The following SDSL variants were observed in gnomAD, a reference collection of about 807,000 sequenced individuals.
SDSL encodes the protein serine dehydratase-like.
In SDSL, 26 loss-of-function variants were observed where a neutral mutation model predicts 27.6. The observed-to-expected ratio is 0.94, with a 90% confidence interval of 0.69 to 1.31. The LOEUF is 1.31. SDSL is among the 50% of genes most tolerant of loss of function. The pLI, the probability that SDSL is intolerant of heterozygous loss-of-function variation, is 0.00. For missense variants in SDSL, 431 were observed against 423.5 expected, an observed-to-expected ratio of 1.02 and a Z score of -0.16; for synonymous variants, 196 against 180.6, an observed-to-expected ratio of 1.09 and a Z score of -0.69.
At chr12:113,426,179 C>G (rs1367542600) in intron 1 of SDSL, 2 of 455,960 alleles carry the variant, frequency 4.4e-6, no homozygotes, top group East Asian at 6.9e-5. Flanking sequence ...CTGTCTGCAT[C>G]CGCGGCACCC....
In SDSL at chr12:113,428,069, G is replaced by A. The variant is rs1425871581; in HGVS notation, c.87G>A (p.Val29=). The A allele has an allele frequency of 6.8e-6, 11 of 1,614,030 alleles. No individual in the cohort carries two copies. Among genetic ancestry groups the A allele is most frequent in the Non-Finnish European group, 9.3e-6 (11 of 1,179,996 alleles). The stretch of plus-strand genomic sequence containing the variant: ...TGGAGAGCTGGGCGCTGTCCCAGGT[G>A]GCGGGCATGCCTGTCTTCCTCAAGT... ...PLLESWALSQ[V]AGMPVFLKCE... Residue 29 remains valine, a synonymous_variant, in exon 2 of 8, where the codon GTG becomes GTA. Coordinates refer to ENST00000403593, the MANE Select transcript of SDSL (RefSeq NM_001304993.2).
intron 7 of SDSL, among the ~76,000 whole-genome samples, 190 bp from the exon 8 acceptor site, chr12:113,437,696 T>C (rs574872535): frequency 3.3e-5 from 5 of 152,050 alleles, no homozygotes; most frequent in East Asian, 1.9e-4. Flanking sequence ...AAAAGGTGGA[T>C]GGTGGAAGGA....
rs1296461290 is a variant in SDSL, at chr12:113,434,190, G to A, written c.411G>A (p.Glu137=). 2 of 1,613,718 alleles carry A rather than the reference G, an allele frequency of 1.2e-6. No individual in the cohort carries two copies. The highest frequency in any genetic ancestry group is 1.7e-6 in the Non-Finnish European group (2 of 1,179,750). Residue 137 remains glutamate, a synonymous_variant, in exon 5 of 8, where the codon GAG becomes GAA. Coordinates refer to ENST00000403593, the MANE Select transcript of SDSL (RefSeq NM_001304993.2). ...AQELAKRDGW[E]NVPPFDHPLI... is the part of the protein sequence containing the mutation. ...AGTTGGCCAAGAGGGACGGCTGGGAGAATGTCCCCCCGTTTGACCACCCCC... is the reference window on the plus strand; with the variant it reads ...AGTTGGCCAAGAGGGACGGCTGGGAAAATGTCCCCCCGTTTGACCACCCCC...
intron 1 of SDSL, among the ~76,000 whole-genome samples, chr12:113,424,071 G>A (rs1024186989): frequency 4.6e-5 from 7 of 152,060 alleles, no homozygotes; most frequent in Non-Finnish European, 1.0e-4. Flanking sequence ...GCAATGGCGC[G>A]ATCTCGGCTC....
At chr12:113,431,814 C>T (rs563341109) in intron 4 of SDSL, among the ~76,000 whole-genome samples, 73 of 151,450 alleles carry the variant, frequency 4.8e-4, no homozygotes, top group African/African-American at 1.7e-3. Context: ...TCTCGGCTCA[C>T]TGCAAGGTCT....
intron 4 of SDSL, 72 bp downstream of exon 4, chr12:113,429,371 T>C (rs1957891862): frequency 6.7e-7 from 1 of 1,483,508 alleles, no homozygotes; most frequent in Non-Finnish European, 9.2e-7. Context: ...CCCTAAGACA[T>C]CCTGTCTCCT....
At chr12:113,432,046 C>G (rs976017951) in intron 4 of SDSL, among the ~76,000 whole-genome samples, 1 of 151,294 alleles carries the variant, frequency 6.6e-6, no homozygotes, top group Admixed American at 6.6e-5. Flanking sequence ...TAAACTGCTG[C>G]GCCCAGCCTA....
At chr12:113,425,125 G>A (rs12823432) in intron 1 of SDSL, among the ~76,000 whole-genome samples, 12,847 of 152,210 alleles carry the variant, frequency 0.084, 956 homozygotes, top group African/African-American at 0.2. Context: ...GCACAGAGAG[G>A]TTGTGACACT....
chr12:113,423,702 A>C (rs990937791), intron 1 of SDSL, among the ~76,000 whole-genome samples: 6 of 152,194 alleles, frequency 3.9e-5, no homozygotes, highest in African/African-American at 1.4e-4. Flanking sequence ...TGATCGTGCC[A>C]CTGCACTCCA....
intron 5 of SDSL, 57 bp downstream of exon 5, chr12:113,434,279 A>C: frequency 1.5e-6 from 2 of 1,343,632 alleles, no homozygotes; most frequent in Non-Finnish European, 2.1e-6. Context: ...TCACTGAGTC[A>C]GGGTCCTCCC....
At chr12:113,423,777 A>G (rs1399817894) in intron 1 of SDSL, among the ~76,000 whole-genome samples, 5 of 152,216 alleles carry the variant, frequency 3.3e-5, no homozygotes, top group Non-Finnish European at 2.9e-5. Flanking sequence ...AAGCGGAAGG[A>G]TTATGGAGTA....
At chr12:113,437,809 G>T (rs1958016803) in intron 7 of SDSL, 77 bp from the exon 8 acceptor site, 8 of 1,314,348 alleles carry the variant, frequency 6.1e-6, no homozygotes, top group Non-Finnish European at 7.3e-6. Flanking sequence ...GCAAGGATCT[G>T]CCGTGCCCAG....
At chr12:113,431,199 ATGG>A (rs1465021460) in intron 4 of SDSL, among the ~76,000 whole-genome samples, 3 of 152,082 alleles carry the variant, frequency 2.0e-5, no homozygotes, top group Admixed American at 6.5e-5. Flanking sequence ...TCAGGGAGGG[ATGG>A]TGAAAGGTGA....
rs1555210098 is a variant in SDSL, at chr12:113,432,300, C to CTCTT, written c.355-1830_355-1827dup. ...TCTTTCTTTCTTTCTTTCTCTCTCT[C>CTCTT]TCTTTCTGTCTCTCTGTCTCTCTCT... On this transcript the variant is annotated intron_variant, in intron 4 of 7. Coordinates refer to ENST00000403593, the MANE Select transcript of SDSL (RefSeq NM_001304993.2). Among the ~76,000 whole-genome samples, 15 of 144,552 alleles carry CTCTT rather than the reference C, an allele frequency of 1.0e-4. 1 individual carries two copies. The highest frequency in any genetic ancestry group is 3.8e-4 in the African/African-American group (14 of 36,826). The allele number at this position is 144,552 out of a possible 152,430, so 94.8% of individuals were successfully genotyped here. A position where few individuals can be genotyped will look rare whatever the true frequency, so the allele number is the denominator to read the frequency against.
intron 1 of SDSL, among the ~76,000 whole-genome samples, chr12:113,424,618 G>A (rs1324944931): frequency 6.6e-6 from 1 of 152,150 alleles, no homozygotes; most frequent in African/African-American, 2.4e-5. Context: ...GTAAGGGTAA[G>A]CAGGTCACCA....
At position 113,428,423 on chromosome 12, in the gene SDSL, G is replaced by T; in HGVS notation, c.178G>T (p.Ala60Ser). Residue 60 changes from alanine (A) to serine (S), a missense_variant, in exon 3 of 8, where the codon GCC becomes TCC. By Grantham distance (99) the Ala-to-Ser change is moderately conservative (BLOSUM62 1). Coordinates refer to ENST00000403593, the MANE Select transcript of SDSL (RefSeq NM_001304993.2). ...ACCCCATTCCTTCTCTTCCCAGATG[G>T]CCAAGAAGGGATGCAGACACCTGGT... is the stretch of plus-strand genomic sequence containing the variant. Reference protein sequence around the residue: ...RGIGHFCQEMAKKGCRHLVCS... With the variant: ...RGIGHFCQEMSKKGCRHLVCS... 2 of 1,611,940 alleles carry T rather than the reference G, an allele frequency of 1.2e-6. No individual in the cohort carries two copies. Among genetic ancestry groups the T allele is most frequent in the Non-Finnish European group, 1.7e-6 (2 of 1,179,464 alleles).
chr12:113,426,800 G>A (rs528917806), intron 1 of SDSL, among the ~76,000 whole-genome samples: 3 of 152,150 alleles, frequency 2.0e-5, no homozygotes, highest in South Asian at 2.1e-4. Context: ...TTAGCCAGAC[G>A]TGGTGATGTG....
chr12:113,432,709 C>G lies in SDSL; in HGVS notation c.355-1425C>G, dbSNP rs568294283. Among the ~76,000 whole-genome samples the G allele has an allele frequency of 9.2e-5, 14 of 152,314 alleles. No homozygotes were observed. The South Asian group carries it at 2.7e-3, about 29-fold the overall frequency. On this transcript the variant is annotated intron_variant, in intron 4 of 7. Transcript: ENST00000403593. Reference sequence around the variant, plus strand: ...TTTGGAGTCCCCAGTGTCTCTCGTTCCCATCTTTGTGCCCATGTTTATACC... The same window carrying G: ...TTTGGAGTCCCCAGTGTCTCTCGTTGCCATCTTTGTGCCCATGTTTATACC...
chr12:113,424,271 C>T (rs778167479), intron 1 of SDSL, among the ~76,000 whole-genome samples: 2 of 152,196 alleles, frequency 1.3e-5, no homozygotes, highest in Non-Finnish European at 2.9e-5. Context: ...ATCCGCCTGC[C>T]TCTGCCTCAC....
Sources: gnomAD v4.1 joint callset for allele counts (sites outside exome capture counted in the v4.1 genomes callset) on GRCh38, gnomAD v4.1.1 for gene constraint, MANE v1.5 for transcripts, NCBI Gene and HGNC (gene_info 2026-07-23, HGNC 2026-07-21) for gene names.